Variants in GEN1 observed in about 807,000 individuals in gnomAD.
GEN1 encodes GEN1 structure-specific endonuclease.
A neutral mutation model predicts 67.6 loss-of-function variants in GEN1; 64 were observed. The observed-to-expected ratio is 0.95, with a 90% CI of 0.77 to 1.17. The LOEUF is 1.17. Among genes scored for constraint, GEN1 ranks in the 50% most tolerant of loss-of-function variants. The pLI is 0.00. For synonymous variants in GEN1, 371 were observed against 359.4 expected, an observed-to-expected ratio of 1.03 and a Z score of -0.37; for missense variants, 1,058 against 1,048.3, an observed-to-expected ratio of 1.01 and a Z score of -0.13.
chr2:17,778,055 A>G lies in GEN1; in HGVS notation c.1256A>G (p.Glu419Gly). Reference sequence around the variant, plus strand: ...GTTCATTGTTTTGAAATAGAATGGGAAAAGCCTGGTATGTATTCACTTTAA... The same window carrying G: ...GTTCATTGTTTTGAAATAGAATGGGGAAAGCCTGGTATGTATTCACTTTAA... ...NGVHCFEIEWEKPEHYAMEDK... is the reference protein window; with the variant it reads ...NGVHCFEIEWGKPEHYAMEDK... Residue 419 changes from glutamate (E) to glycine (G), a missense_variant, in exon 12 of 14, where the codon GAA becomes GGA. Transcript: ENST00000381254. 6.3e-7 allele frequency: 1 copy of G among 1,589,966 alleles called. No homozygotes were observed. The highest frequency in any genetic ancestry group is 8.6e-7 in the Non-Finnish European group (1 of 1,160,384).
Position 17,759,997 on chromosome 2 carries a change from C to A in GEN1, c.54C>A (p.Pro18=). 6.2e-7 allele frequency: 1 copy of A among 1,614,034 alleles called. No individual in the cohort carries two copies. Among genetic ancestry groups the A allele is most frequent in the Non-Finnish European group, 8.5e-7 (1 of 1,179,988 alleles). ...TGGAGCCTGTTAAGCAACACATCCC[C>A]TTGCGTAATCTTGGTGGGAAAACCA... ...QILEPVKQHI[P]LRNLGGKTIA... is the part of the protein sequence containing the mutation. Residue 18 remains proline (P), a synonymous_variant, in exon 2 of 14, where the codon CCC becomes CCA. Transcript: ENST00000381254.
chr2:17,778,364 GTATA>G (rs1266957592), intron 12 of GEN1, among the ~76,000 whole-genome samples: 2,143 of 36,420 alleles, frequency 0.059, 332 homozygotes, highest in East Asian at 0.13. Flanking sequence ...GTACATATAT[GTATA>G]TACACACACA....
chr2:17,767,901 G>C (rs951021163), intron 5 of GEN1, among the ~76,000 whole-genome samples: 2 of 152,148 alleles, frequency 1.3e-5, no homozygotes, highest in Admixed American at 1.3e-4. Flanking sequence ...ATCTAATAAC[G>C]TGTATGCCAA....
chr2:17,776,146 A>C (rs1199630445), intron 11 of GEN1, among the ~76,000 whole-genome samples: 1 of 151,308 alleles, frequency 6.6e-6, no homozygotes, highest in East Asian at 1.9e-4. Context: ...AGGAAAGTTT[A>C]ATCTGTATCT....
chr2:17,753,509 C>G (rs967377896), upstream of GEN1: 2 of 152,372 alleles, frequency 1.3e-5, no homozygotes, highest in African/African-American at 4.8e-5. Flanking sequence ...ATGAACACCG[C>G]CGCAGCTCAG....
intron 13 of GEN1, 72 bp downstream of exon 13, chr2:17,780,193 T>A: frequency 1.7e-6 from 2 of 1,168,782 alleles, no homozygotes; most frequent in South Asian, 2.7e-5. Flanking sequence ...TCTGTTTGAA[T>A]CTGCTGTGTC....
chr2:17,760,176 T>C, intron 2 of GEN1, 72 bp downstream of exon 2: 1 of 1,298,124 alleles, frequency 7.7e-7, no homozygotes, highest in South Asian at 1.5e-5. Flanking sequence ...TTGTTTCACC[T>C]TTTTTTTTCT....
In GEN1 at chr2:17,765,076, G is replaced by A; in HGVS notation, c.525+3G>A. 6.2e-7 allele frequency: 1 copy of A among 1,612,088 alleles called. No homozygotes were observed. The highest frequency in any genetic ancestry group is 8.5e-7 in the Non-Finnish European group (1 of 1,179,358). Reference sequence around the variant, plus strand: ...GGAATTTCACTATGAATACAAAGGTGTTTATTTTCTTTCTCTTTTTCAGCA... The same window carrying A: ...GGAATTTCACTATGAATACAAAGGTATTTATTTTCTTTCTCTTTTTCAGCA... On this transcript the variant is annotated splice_donor_region_variant and intron_variant, in intron 4 of 13. Coordinates refer to ENST00000381254, the MANE Select transcript of GEN1 (RefSeq NM_001130009.3).
rs145196725 is a variant in GEN1, at chr2:17,758,593, C to A, written c.-15-1336C>A. 3.9e-5 allele frequency among the ~76,000 whole-genome samples: 6 copies of A among 152,310 alleles called. No homozygotes were observed. In the East Asian group the frequency reaches 1.2e-3, roughly 29 times the overall value. On this transcript the variant is annotated intron_variant, in intron 1 of 13. Transcript: ENST00000381254. ...TAGACAATATTCTGGGCCACTGTTA[C>A]TACCAAATACTTTCTTTACCTTTAA...
At chr2:17,778,291 T>TGTGTGTACATATATGTATATACACACAC (rs1672596819) in intron 12 of GEN1, among the ~76,000 whole-genome samples, 1 of 113,054 alleles carries the variant, frequency 8.8e-6, no homozygotes, top group African/African-American at 3.7e-5. Context: ...TACACACACA[T>TGTGTGTACATATATGTATATACACACAC]GTGTGTGTAC....
intron 6 of GEN1, 140 bp downstream of exon 6, chr2:17,768,951 A>G: frequency 2.0e-6 from 1 of 488,832 alleles, no homozygotes. Flanking sequence ...GATTTAAGAT[A>G]ATTTATTTTT....
chr2:17,775,715 A>G (rs989278091), intron 11 of GEN1, among the ~76,000 whole-genome samples: 2 of 152,238 alleles, frequency 1.3e-5, no homozygotes, highest in Non-Finnish European at 2.9e-5. Context: ...AAGTGGAGAA[A>G]TCCAGTGGAC....
At chr2:17,768,199 A>T (rs1003902006) in intron 5 of GEN1, among the ~76,000 whole-genome samples, 6 of 152,236 alleles carry the variant, frequency 3.9e-5, no homozygotes, top group Admixed American at 2.6e-4. Flanking sequence ...AGAAATTGTG[A>T]CAGGAATATA....
intron 11 of GEN1, among the ~76,000 whole-genome samples, chr2:17,775,658 A>T (rs1160307535): frequency 1.3e-5 from 2 of 152,232 alleles, no homozygotes; most frequent in African/African-American, 4.8e-5. Context: ...TCACAGTCTC[A>T]AGTACCGCTC....
At position 17,781,496 on chromosome 2, in the gene GEN1, GT is replaced by G; in HGVS notation, c.2285del (p.Val762GlyfsTer2). The G allele has an allele frequency of 1.2e-6, 2 of 1,613,578 alleles. No individual in the cohort carries two copies. The highest frequency in any genetic ancestry group is 1.7e-6 in the Non-Finnish European group (2 of 1,179,934). ...TSVPYSVSNT[V>X]VKTCNVRPPN... ...TGTCCCTTATTCTGTCAGTAACACA[GT>G]GGTAAAGACCTGCAATGTTAGACCA... On this transcript the variant is annotated frameshift_variant, in exon 14 of 14. Transcript: ENST00000381254. LOFTEE classifies it low-confidence loss of function (END_TRUNC).
rs780002843 is a variant in GEN1, at chr2:17,760,044, G to GACA, written c.101_102insACA (p.Trp34delinsTer). ...ACCATTGCAGTTGATCTGAGTCTCT[G>GACA]GGTGTGTGAGGCACAGACAGTCAAA... is the stretch of plus-strand genomic sequence containing the variant. On this transcript the variant is annotated stop_gained, in exon 2 of 14. Coordinates refer to ENST00000381254, the MANE Select transcript of GEN1 (RefSeq NM_001130009.3). LOFTEE classifies it high-confidence loss of function. 1.2e-6 allele frequency: 2 copies of GACA among 1,614,022 alleles called. No homozygotes were observed. The highest frequency in any genetic ancestry group is 8.5e-7 in the Non-Finnish European group (1 of 1,179,986).
chr2:17,774,299 C>G lies in GEN1; in HGVS notation c.1100C>G (p.Pro367Arg). 6.3e-7 allele frequency: 1 copy of G among 1,581,600 alleles called. No individual in the cohort carries two copies. Among genetic ancestry groups the G allele is most frequent in the Non-Finnish European group, 8.6e-7 (1 of 1,157,116 alleles). ...QRFTLEKMEW[P>R]NHYACEKLLV... Reference sequence around the variant, plus strand: ...TTTACTCTTGAAAAAATGGAGTGGCCCAATCACTATGCATGTGAGAAATTG... The same window carrying G: ...TTTACTCTTGAAAAAATGGAGTGGCGCAATCACTATGCATGTGAGAAATTG... Residue 367 changes from proline to arginine, a missense_variant, in exon 11 of 14, where the codon CCC becomes CGC. By Grantham distance (103) the Pro-to-Arg change is moderately radical (BLOSUM62 -2). Coordinates refer to ENST00000381254, the MANE Select transcript of GEN1 (RefSeq NM_001130009.3).
At chr2:17,773,437 ACT>A (rs1372687927) in intron 10 of GEN1, 138 bp downstream of exon 10, 2 of 588,880 alleles carry the variant, frequency 3.4e-6, no homozygotes, top group Admixed American at 3.2e-5. Flanking sequence ...ATTTATTTCT[ACT>A]CTCTCATTTG....
chr2:17,775,332 C>G (rs565323598), intron 11 of GEN1, among the ~76,000 whole-genome samples: 83 of 152,100 alleles, frequency 5.5e-4, no homozygotes, highest in African/African-American at 2.0e-3. Flanking sequence ...ATTTGGAAGA[C>G]AAATCAAGTC....
Sources: allele counts gnomAD v4.1 joint callset (sites outside exome capture counted in the v4.1 genomes callset), GRCh38; gene constraint gnomAD v4.1.1; transcripts MANE v1.5; gene names NCBI Gene and HGNC (gene_info 2026-07-23, HGNC 2026-07-21).